Variants in MCU observed in about 807,000 individuals in gnomAD.
MCU encodes calcium uniporter protein, mitochondrial.
A neutral mutation model predicts 45.2 loss-of-function variants in MCU; 12 were observed. That is an observed-to-expected ratio of 0.27 (90% CI 0.17 to 0.43). The LOEUF (loss-of-function observed/expected upper bound fraction) is 0.43. MCU is among the 20% of genes least tolerant of loss of function. The probability of loss-of-function intolerance (pLI) is 1.00; values close to 1 mark genes in which losing one functional copy is unlikely to be tolerated. For synonymous variants in MCU, 160 were observed against 165.1 expected (o/e 0.97, Z 0.24); for missense variants, 324 against 436.7 (o/e 0.74, Z 2.30).
intron 1 of MCU, among the ~76,000 whole-genome samples, chr10:72,712,582 G>T (rs367888693): frequency 6.6e-6 from 1 of 152,130 alleles, no homozygotes; most frequent in Non-Finnish European, 1.5e-5. Flanking sequence ...AAGGAGATGC[G>T]CCTTTTATGG....
chr10:72,790,381 G>C (rs1330227075), intron 1 of MCU, among the ~76,000 whole-genome samples: 9 of 152,122 alleles, frequency 5.9e-5, no homozygotes, highest in Admixed American at 1.3e-4. Context: ...GTTGGGGGCT[G>C]GGGGAGAAGC....
chr10:72,706,834 C>CT (rs35632322), intron 1 of MCU, among the ~76,000 whole-genome samples: 6,388 of 133,414 alleles, frequency 0.048, 400 homozygotes, highest in African/African-American at 0.14. Context: ...CGCACCCGGC[C>CT]TTTTTTTTTT....
intron 6 of MCU, among the ~76,000 whole-genome samples, chr10:72,878,811 T>TA (rs1282003982): frequency 1.3e-5 from 2 of 152,174 alleles, no homozygotes; most frequent in Non-Finnish European, 2.9e-5. Flanking sequence ...TGGAAAGGCC[T>TA]AATATGTATT....
intron 2 of MCU, among the ~76,000 whole-genome samples, chr10:72,851,551 A>G (rs1334159763): frequency 6.6e-6 from 1 of 152,006 alleles, no homozygotes; most frequent in East Asian, 1.9e-4. Context: ...TTGGTTGTGG[A>G]TGCAGTCATA....
intron 1 of MCU, among the ~76,000 whole-genome samples, chr10:72,742,765 ATACCCAT>A (rs1474387512): frequency 6.6e-6 from 1 of 152,180 alleles, no homozygotes; most frequent in Non-Finnish European, 1.5e-5. Flanking sequence ...GGGATTGATT[ATACCCAT>A]TAGGGGAGAC....
intron 1 of MCU, among the ~76,000 whole-genome samples, chr10:72,728,247 A>G (rs921653952): frequency 1.3e-5 from 2 of 152,212 alleles, no homozygotes; most frequent in African/African-American, 4.8e-5. Context: ...AATATAGGTC[A>G]ATTACCTGCT....
chr10:72,868,757 A>G lies in MCU; in HGVS notation c.551A>G (p.Gln184Arg). The change falls in exon 5 of 8, where the codon CAG (glutamine) becomes CGG (arginine). Residue 184 changes from glutamine (Q) to arginine (R), a missense_variant. Transcript: ENST00000373053. ...ATLNDVKTLV[Q>R]QLYTTLCIEQ... is the part of the protein sequence containing the mutation. ...CTGAATGATGTAAAGACATTGGTCCAGCAACTATACACCACACTGTGCATT... is the reference window on the plus strand; with the variant it reads ...CTGAATGATGTAAAGACATTGGTCCGGCAACTATACACCACACTGTGCATT... The G allele has an allele frequency of 3.7e-6, 6 of 1,614,206 alleles. No homozygotes were observed. Among genetic ancestry groups the G allele is most frequent in the Non-Finnish European group, 5.1e-6 (6 of 1,180,024 alleles).
chr10:72,802,546 A>G (rs1387459274), intron 1 of MCU, among the ~76,000 whole-genome samples: 2 of 152,202 alleles, frequency 1.3e-5, no homozygotes, highest in Non-Finnish European at 2.9e-5. Context: ...GAAACTGAGC[A>G]AAAGGAAATT....
At chr10:72,863,235 C>A (rs545765549) in intron 4 of MCU, among the ~76,000 whole-genome samples, 1 of 152,272 alleles carries the variant, frequency 6.6e-6, no homozygotes, top group Admixed American at 6.5e-5. Flanking sequence ...GTCTCTGACC[C>A]CTGACCAACC....
At position 72,887,044 on chromosome 10, in the gene MCU, A is replaced by G. The variant is rs1845785497; in HGVS notation, c.*1222A>G. On this transcript the variant is annotated 3_prime_UTR_variant, in exon 8 of 8. Coordinates refer to ENST00000373053, the MANE Select transcript of MCU (RefSeq NM_138357.3). ...ATTTTCTACCATATTTCCAGATGAC[A>G]TCTGCGCTTGAAGAGTCAAAGGAAT... 1 of 152,338 alleles carries G rather than the reference A, an allele frequency of 6.6e-6. No individual in the cohort carries two copies. The highest frequency in any genetic ancestry group is 2.4e-5 in the African/African-American group (1 of 41,446). 9.4% of individuals were successfully genotyped at this position (152,338 alleles called of 1,614,324 possible).
At chr10:72,697,321 T>A (rs1237037365) in intron 1 of MCU, among the ~76,000 whole-genome samples, 1 of 152,002 alleles carries the variant, frequency 6.6e-6, no homozygotes, top group East Asian at 1.9e-4. Flanking sequence ...TTCGCCATGT[T>A]GGCCAAGCTG....
chr10:72,841,687 C>T (rs1339159322), intron 2 of MCU, among the ~76,000 whole-genome samples: 2 of 152,178 alleles, frequency 1.3e-5, no homozygotes, highest in African/African-American at 4.8e-5. Flanking sequence ...CTTATACTGC[C>T]TCAGAGGAGA....
intron 1 of MCU, among the ~76,000 whole-genome samples, chr10:72,812,952 AT>A (rs1317535352): frequency 2.6e-5 from 4 of 152,160 alleles, no homozygotes; most frequent in Non-Finnish European, 5.9e-5. Flanking sequence ...GTCACCTCTG[AT>A]TCCTGGATCA....
At chr10:72,883,752 A>G (rs1564584274) in intron 6 of MCU, among the ~76,000 whole-genome samples, 1 of 152,204 alleles carries the variant, frequency 6.6e-6, no homozygotes, top group Non-Finnish European at 1.5e-5. Context: ...AAATGAATAG[A>G]CTGCAGCTAC....
rs531556653 is a variant in MCU at position 72,869,641 on chromosome 10, A to C, written c.657+778A>C. Reference sequence around the variant, plus strand: ...CAAAATAACAATACAACAACAAAAAAATACAAATTTTAAAAATCAATATAA... The same window carrying C: ...CAAAATAACAATACAACAACAAAAACATACAAATTTTAAAAATCAATATAA... On this transcript the variant is annotated intron_variant, in intron 5 of 7. Coordinates refer to ENST00000373053, the MANE Select transcript of MCU (RefSeq NM_138357.3). Among the ~76,000 whole-genome samples the C allele has an allele frequency of 7.2e-5, 11 of 152,292 alleles. 1 individual carries two copies. In the South Asian group the frequency reaches 2.3e-3, roughly 32 times the overall value.
intron 7 of MCU, 138 bp from the exon 8 acceptor site, chr10:72,885,607 A>T: frequency 3.2e-6 from 2 of 623,416 alleles, no homozygotes; most frequent in Non-Finnish European, 5.6e-6. Flanking sequence ...TTTGTCTTTC[A>T]AGGCACTCTT....
chr10:72,777,647 T>A (rs1843916113), intron 1 of MCU, among the ~76,000 whole-genome samples: 2 of 152,220 alleles, frequency 1.3e-5, no homozygotes, highest in South Asian at 4.1e-4. Context: ...GCAAAGATTT[T>A]TTGGGTTAGA....
chr10:72,779,445 T>C (rs1843954561), intron 1 of MCU, among the ~76,000 whole-genome samples: 1 of 152,158 alleles, frequency 6.6e-6, no homozygotes, highest in Non-Finnish European at 1.5e-5. Context: ...TTCATCAAAA[T>C]TGAAAACTTC....
intron 1 of MCU, among the ~76,000 whole-genome samples, chr10:72,806,761 T>G (rs1175308202): frequency 6.6e-6 from 1 of 152,188 alleles, no homozygotes; most frequent in East Asian, 1.9e-4. Flanking sequence ...GAGAGGACCT[T>G]TTTGAGGAGG....
Sources: allele counts gnomAD v4.1 joint callset (sites outside exome capture counted in the v4.1 genomes callset), GRCh38; gene constraint gnomAD v4.1.1; transcripts MANE v1.5; gene names NCBI Gene and HGNC (gene_info 2026-07-23, HGNC 2026-07-21).